ETS2: variants seen among roughly 807,000 people sequenced by gnomAD.
The protein encoded by ETS2 is ETS proto-oncogene 2, transcription factor.
ETS2 carries 19 observed loss-of-function variants against 54.9 expected under a neutral mutation model. That is an observed-to-expected ratio of 0.35 (90% CI 0.24 to 0.51). The LOEUF is 0.51. Among genes scored for constraint, ETS2 ranks in the 20% least tolerant of loss-of-function variants. The pLI, the probability that ETS2 is intolerant of heterozygous loss-of-function variation, is 0.97. For missense variants in ETS2, 417 were observed against 593.0 expected (o/e 0.70, Z 3.08); for synonymous variants, 219 against 229.3 (o/e 0.95, Z 0.41).
In ETS2 at chr21:38,818,531, T is replaced by C. The variant is rs1424038041; in HGVS notation, c.696T>C (p.Ser232=). The change falls in exon 7 of 10, where the codon TCT becomes TCC. Residue 232 remains serine (S), a synonymous_variant. Coordinates refer to ENST00000360938, the MANE Select transcript of ETS2 (RefSeq NM_005239.6). ...CPASTPSVLS[S]EQEFQMFPKS... ...CCTCCACACCCAGCGTACTCAGCTC[T>C]GAGCAGGAGTTTCAGATGTTCCCCA... 6.2e-7 allele frequency: 1 copy of C among 1,614,088 alleles called. No homozygotes were observed. The highest frequency in any genetic ancestry group is 8.5e-7 in the Non-Finnish European group (1 of 1,180,050).
chr21:38,805,934 C>T lies in ETS2; in HGVS notation c.-187C>T. ...CGCCGCGTGGGGGACGGCCCGGTTA[C>T]TTCCTCCAGAGACTGACGAGTGCGG... On this transcript the variant is annotated 5_prime_UTR_variant, in exon 1 of 10. Transcript: ENST00000360938. The surrounding 1 kb of genome is among the most constrained non-coding windows in gnomAD (Gnocchi z 5.2). 1 of 1,262,452 alleles carries T rather than the reference C, an allele frequency of 7.9e-7. No individual in the cohort carries two copies. The highest frequency in any genetic ancestry group is 1.0e-6 in the Non-Finnish European group (1 of 978,580). The allele number at this position is 1,262,452 out of a possible 1,614,324, so 78.2% of individuals were successfully genotyped here.
chr21:38,808,228 C>T (rs927557477), intron 1 of ETS2, among the ~76,000 whole-genome samples: 1 of 152,168 alleles, frequency 6.6e-6, no homozygotes, highest in African/African-American at 2.4e-5. Flanking sequence ...CACTGTATGA[C>T]GTCTGCCTCT....
In ETS2 at chr21:38,814,873, G is replaced by A. The variant is rs201897945; in HGVS notation, c.397G>A (p.Gly133Ser). ...SLVNVNLQRFGMNGQMLCNLG... is the reference protein window; with the variant it reads ...SLVNVNLQRFSMNGQMLCNLG... Reference sequence around the variant, plus strand: ...GGTGAACGTGAATCTGCAGAGGTTCGGCATGAATGGCCAGATGCTGTGTAA... The same window carrying A: ...GGTGAACGTGAATCTGCAGAGGTTCAGCATGAATGGCCAGATGCTGTGTAA... The change falls in exon 5 of 10, where the codon GGC becomes AGC. Residue 133 changes from glycine (G) to serine (S), a missense_variant. Around this residue, in one of 3 missense-constraint regions of ETS2, gnomAD observed 326 missense variants for 426.1 expected, o/e 0.76. Coordinates refer to ENST00000360938, the MANE Select transcript of ETS2 (RefSeq NM_005239.6). This position sits in a 1 kb window ranked among gnomAD's most constrained non-coding sequence, Gnocchi z 4.2. 6.0e-5 allele frequency: 97 copies of A among 1,614,054 alleles called. No homozygotes were observed. Among genetic ancestry groups the A allele is most frequent in the Non-Finnish European group, 5.3e-5 (63 of 1,180,036 alleles).
chr21:38,822,381 C>T (rs2060961618), intron 9 of ETS2, among the ~76,000 whole-genome samples: 1 of 152,206 alleles, frequency 6.6e-6, no homozygotes, highest in African/African-American at 2.4e-5. Context: ...TTTCCCTGGT[C>T]TCAGGACCCT....
intron 8 of ETS2, among the ~76,000 whole-genome samples, chr21:38,820,928 G>A (rs2060955451): frequency 6.6e-6 from 1 of 152,202 alleles, no homozygotes; most frequent in Non-Finnish European, 1.5e-5. Flanking sequence ...CTTTAGAACA[G>A]AACCACACTG....
At chr21:38,810,005 C>T in intron 1 of ETS2, 30 bp from the exon 2 acceptor site, 1 of 1,484,658 alleles carries the variant, frequency 6.7e-7, no homozygotes, top group Non-Finnish European at 9.2e-7. Flanking sequence ...AATCTTTTGC[C>T]TCTTTGACTT....
chr21:38,806,559 C>T lies in ETS2; in HGVS notation c.-1+439C>T. ...GCGTGTCCGAGGTGGCCTGGCGCCC[C>T]GGCTTTGAGGGTGACTTCCTGGAGC... On this transcript the variant is annotated intron_variant, in intron 1 of 9. Transcript: ENST00000360938. This position sits in a 1 kb window ranked among gnomAD's most constrained non-coding sequence, Gnocchi z 4.3. 1.0e-6 allele frequency: 1 copy of T among 985,478 alleles called. No individual in the cohort carries two copies. The highest frequency in any genetic ancestry group is 1.2e-6 in the Non-Finnish European group (1 of 830,006). The allele number at this position is 985,478 out of a possible 1,614,324, so 61.0% of individuals were successfully genotyped here. A position where few individuals can be genotyped will look rare whatever the true frequency, so the allele number is the denominator to read the frequency against.
rs368056782 is a variant in ETS2 at position 38,821,019 on chromosome 21, C to G, written c.1076-567C>G. ...AAGCTCTTGGCAAAGCATGCTTCAC[C>G]AGACAGAGGCTGTGAGGCAACGGGT... On this transcript the variant is annotated intron_variant, in intron 8 of 9. Coordinates refer to ENST00000360938, the MANE Select transcript of ETS2 (RefSeq NM_005239.6). This position sits in a 1 kb window ranked among gnomAD's most constrained non-coding sequence, Gnocchi z 4.2. 4.9e-4 allele frequency among the ~76,000 whole-genome samples: 75 copies of G among 152,296 alleles called. No individual in the cohort carries two copies. The highest frequency in any genetic ancestry group is 1.5e-3 in the African/African-American group (64 of 41,566).
chr21:38,817,248 C>T (rs1418821534), intron 6 of ETS2, among the ~76,000 whole-genome samples, 157 bp downstream of exon 6: 2 of 152,186 alleles, frequency 1.3e-5, no homozygotes, highest in Admixed American at 1.3e-4. Flanking sequence ...TGAAATGTGA[C>T]TGGTCCACAT....
Position 38,819,673 on chromosome 21 carries a change from A to T in ETS2, c.982A>T (p.Thr328Ser), listed in dbSNP as rs377345933. Residue 328 changes from threonine (T) to serine (S), a missense_variant, in exon 8 of 10, where the codon ACC (threonine) becomes TCC (serine). Thr to Ser is a moderately conservative substitution (Grantham distance 58). Transcript: ENST00000360938. ...CCAGTCTCTCTGCCTCAATAAGCCA[A>T]CCATGTCTTTCAAGGATTACATCCA... ...CSQSLCLNKPTMSFKDYIQER... is the reference protein window; with the variant it reads ...CSQSLCLNKPSMSFKDYIQER... 2 of 1,614,100 alleles carry T rather than the reference A, an allele frequency of 1.2e-6. No homozygotes were observed. The highest frequency in any genetic ancestry group is 1.3e-5 in the African/African-American group (1 of 75,024).
Position 38,818,405 on chromosome 21 carries a change from G to A in ETS2, c.590-20G>A, listed in dbSNP as rs777930829. On this transcript the variant is annotated intron_variant, in intron 6 of 9. Coordinates refer to ENST00000360938, the MANE Select transcript of ETS2 (RefSeq NM_005239.6). ...TAACACTGACTTTAAGAGCTCTGCC[G>A]TCCGATTGTTCTGTTCCAGGTTTTG... 26 of 1,613,456 alleles carry A rather than the reference G, an allele frequency of 1.6e-5. No individual in the cohort carries two copies. Among genetic ancestry groups the A allele is most frequent in the African/African-American group, 4.0e-5 (3 of 74,890 alleles).
chr21:38,809,659 C>A, intron 1 of ETS2: 1 of 217,626 alleles, frequency 4.6e-6, no homozygotes, highest in Non-Finnish European at 9.1e-6. Flanking sequence ...CTGTACCCAC[C>A]CAAGCACTCA....
chr21:38,814,345 C>T lies in ETS2; in HGVS notation c.257C>T (p.Thr86Ile). 6.2e-7 allele frequency: 1 copy of T among 1,614,148 alleles called. No individual in the cohort carries two copies. Among genetic ancestry groups the T allele is most frequent in the Non-Finnish European group, 8.5e-7 (1 of 1,180,036 alleles). The stretch of plus-strand genomic sequence containing the variant: ...GTGATGAGTCAAGCCTTAAAAGCTA[C>T]CTTCAGTGGCTTCAAAAAGGAACAG... The part of the protein sequence containing the change: ...KAVMSQALKA[T>I]FSGFKKEQRR... Residue 86 changes from threonine (T) to isoleucine (I), a missense_variant, in exon 4 of 10, where the codon ACC becomes ATC. By Grantham distance (89) the Thr-to-Ile change is moderately conservative. Transcript: ENST00000360938. The surrounding 1 kb of genome is among the most constrained non-coding windows in gnomAD (Gnocchi z 4.2).
chr21:38,818,221 A>AT (rs1446784040), intron 6 of ETS2, among the ~76,000 whole-genome samples: 2 of 152,164 alleles, frequency 1.3e-5, no homozygotes, highest in Non-Finnish European at 2.9e-5. Flanking sequence ...GGCTGCAGTC[A>AT]TTTTGGCAGA....
rs1209845054 is a variant in ETS2 at position 38,821,308 on chromosome 21, C to A, written c.1076-278C>A. The stretch of plus-strand genomic sequence containing the variant: ...AAACTTTCTTCCAGAAAGAACAAAC[C>A]TAGCAATCAAGGGGAAGAGTGTCTC... On this transcript the variant is annotated intron_variant, in intron 8 of 9. Transcript: ENST00000360938. This position sits in a 1 kb window ranked among gnomAD's most constrained non-coding sequence, Gnocchi z 4.2. 6.6e-6 allele frequency among the ~76,000 whole-genome samples: 1 copy of A among 152,170 alleles called. No individual in the cohort carries two copies.
chr21:38,807,466 C>A (rs371902551), intron 1 of ETS2, among the ~76,000 whole-genome samples: 4 of 148,214 alleles, frequency 2.7e-5, no homozygotes, highest in East Asian at 2.0e-4. Context: ...TCAGCAACAC[C>A]AAACTTGAAA....
At chr21:38,819,189 G>C (rs1346435412) in intron 7 of ETS2, among the ~76,000 whole-genome samples, 1 of 152,152 alleles carries the variant, frequency 6.6e-6, no homozygotes, top group Non-Finnish European at 1.5e-5. Context: ...GTTTTCTTTT[G>C]TGTTTGTCTT....
rs115880316 is a variant in ETS2, at chr21:38,821,693, G to A, written c.1183G>A (p.Asp395Asn). The A allele has an allele frequency of 6.2e-6, 10 of 1,610,634 alleles. No individual in the cohort carries two copies. In the East Asian group the frequency reaches 1.1e-4, roughly 18 times the overall value. The change falls in exon 9 of 10, where the codon GAC (aspartate) becomes AAC (asparagine). Residue 395 changes from aspartate (D) to asparagine (N), a missense_variant. Coordinates refer to ENST00000360938, the MANE Select transcript of ETS2 (RefSeq NM_005239.6). The surrounding 1 kb of genome is among the most constrained non-coding windows in gnomAD (Gnocchi z 4.2). ...TGDGWEFKLA[D>N]PDEVARRWGK... ...AGACGGATGGGAGTTTAAGCTCGCC[G>A]ACCCCGATGAGGTATGGCCAGAGCC...
At position 38,823,837 on chromosome 21, in the gene ETS2, G is replaced by C. The variant is rs1297301067; in HGVS notation, c.*948G>C. The C allele has an allele frequency of 6.6e-6, 1 of 152,552 alleles. No individual in the cohort carries two copies. The allele number at this position is 152,552 out of a possible 1,614,324, so 9.4% of individuals were successfully genotyped here. A position where few individuals can be genotyped will look rare whatever the true frequency, so the allele number is the denominator to read the frequency against. ...TTTCCACTTCTTTGCATGCGTTTAA[G>C]TCAGTTTATACACAAAATGGATTTT... On this transcript the variant is annotated 3_prime_UTR_variant, in exon 10 of 10. Transcript: ENST00000360938.
Sources: allele counts gnomAD v4.1 joint callset (sites outside exome capture counted in the v4.1 genomes callset), GRCh38; gene constraint gnomAD v4.1.1; regional missense constraint gnomAD v4.1.1; non-coding constraint Gnocchi (gnomAD v3.1); transcripts MANE v1.5; gene names NCBI Gene and HGNC (gene_info 2026-07-23, HGNC 2026-07-21).